The following NELL1 variants were observed in gnomAD, a reference collection of about 807,000 sequenced individuals.
NELL1 encodes neural EGFL like 1, also known as protein kinase C-binding protein NELL1.
In NELL1, 76 loss-of-function variants were observed where a neutral mutation model predicts 107.4. That is an observed-to-expected ratio of 0.71 (90% CI 0.59 to 0.86). The LOEUF is 0.86. Among genes scored for constraint, NELL1 ranks in the 40% least tolerant of loss-of-function variants. The probability of loss-of-function intolerance (pLI) is 0.00; values close to 1 mark genes in which losing one functional copy is unlikely to be tolerated. For synonymous variants in NELL1, 353 were observed against 341.2 expected, an observed-to-expected ratio of 1.03 and a Z score of -0.38; for missense variants, 1,024 against 1,005.5, an observed-to-expected ratio of 1.02 and a Z score of -0.25.
chr11:21,065,108 T>A (rs1168132098), intron 12 of NELL1, among the ~76,000 whole-genome samples: 1 of 152,166 alleles, frequency 6.6e-6, no homozygotes, highest in Non-Finnish European at 1.5e-5. Flanking sequence ...ATACTTTCTT[T>A]TATACAAGTC....
At chr11:20,690,792 T>G (rs1348443177) in intron 2 of NELL1, among the ~76,000 whole-genome samples, 3 of 150,970 alleles carry the variant, frequency 2.0e-5, no homozygotes, top group Non-Finnish European at 3.0e-5. Context: ...ATATGAACTT[T>G]AAAGTAGTTT....
intron 16 of NELL1, among the ~76,000 whole-genome samples, chr11:21,540,598 T>C (rs1362761331): frequency 6.6e-6 from 1 of 151,818 alleles, no homozygotes; most frequent in African/African-American, 2.4e-5. Context: ...CTTACAATCA[T>C]GGGGGAAGGT....
At chr11:21,491,683 T>C (rs1005149009) in intron 15 of NELL1, among the ~76,000 whole-genome samples, 1 of 152,182 alleles carries the variant, frequency 6.6e-6, no homozygotes, top group Non-Finnish European at 1.5e-5. Context: ...CGATGTGGGC[T>C]CTTTTTTGGT....
chr11:21,460,572 G>A (rs1853875516), intron 15 of NELL1, among the ~76,000 whole-genome samples: 1 of 152,002 alleles, frequency 6.6e-6, no homozygotes, highest in East Asian at 1.9e-4. Flanking sequence ...TTGGTGTGGG[G>A]GAACTACTCT....
rs188214346 is a variant in NELL1 at position 21,178,686 on chromosome 11, C to G, written c.1427-50646C>G. Among the ~76,000 whole-genome samples, 76 of 151,226 alleles carry G rather than the reference C, an allele frequency of 5.0e-4. 1 individual carries two copies. The East Asian group carries it at 0.011, about 23-fold the overall frequency. On this transcript the variant is annotated intron_variant, in intron 13 of 19. Transcript: ENST00000357134. ...GGCGGAGATGAGAGGATGGCCTGAGCCCAAGAGATCAAGGTTGCAGTGAGC... is the reference window on the plus strand; with the variant it reads ...GGCGGAGATGAGAGGATGGCCTGAGGCCAAGAGATCAAGGTTGCAGTGAGC...
At chr11:21,369,913 T>C (rs1364723364) in intron 14 of NELL1, among the ~76,000 whole-genome samples, 1 of 152,072 alleles carries the variant, frequency 6.6e-6, no homozygotes, top group Non-Finnish European at 1.5e-5. Context: ...GATTAATTCA[T>C]CTAACAAATC....
intron 2 of NELL1, among the ~76,000 whole-genome samples, chr11:20,711,857 G>A (rs556292569): frequency 3.9e-5 from 6 of 152,178 alleles, no homozygotes; most frequent in African/African-American, 1.2e-4. Context: ...GACTGTGTGC[G>A]TAGGTGAAGA....
intron 14 of NELL1, among the ~76,000 whole-genome samples, chr11:21,275,902 A>C (rs1163701053): frequency 6.6e-6 from 1 of 152,332 alleles, no homozygotes; most frequent in East Asian, 1.9e-4. Context: ...GACATATCTC[A>C]AAATAATAAG....
chr11:20,694,884 A>G (rs547525183), intron 2 of NELL1, among the ~76,000 whole-genome samples: 31 of 152,054 alleles, frequency 2.0e-4, no homozygotes, highest in Non-Finnish European at 2.8e-4. Context: ...GCTTTGGATT[A>G]TATGGTCATT....
In NELL1 at chr11:20,895,504, CT is replaced by C. The variant is rs71063675; in HGVS notation, c.603+9983del. Among the ~76,000 whole-genome samples, 747 of 99,992 alleles carry C rather than the reference CT, an allele frequency of 7.5e-3. 6 individuals carry two copies. Among genetic ancestry groups the C allele is most frequent in the African/African-American group, 0.024 (690 of 28,976 alleles). The allele number at this position is 99,992 out of a possible 152,430, so 65.6% of individuals were successfully genotyped here. A position where few individuals can be genotyped will look rare whatever the true frequency, so the allele number is the denominator to read the frequency against. Reference sequence around the variant, plus strand: ...ATAAGTGAGAACATGTGATATTTGCCTTTTTTTTTTTTTTTTTTTGAGACGG... The same window carrying C: ...ATAAGTGAGAACATGTGATATTTGCCTTTTTTTTTTTTTTTTTTGAGACGG... On this transcript the variant is annotated intron_variant, in intron 5 of 19. Transcript: ENST00000357134.
At chr11:21,541,224 G>A (rs1185421032) in intron 16 of NELL1, among the ~76,000 whole-genome samples, 1 of 152,108 alleles carries the variant, frequency 6.6e-6, no homozygotes, top group Non-Finnish European at 1.5e-5. Flanking sequence ...TTACGGGACT[G>A]AATACCTGTT....
At chr11:20,748,911 CCCATCCATCCATCCAT>C (rs71063663) in intron 2 of NELL1, among the ~76,000 whole-genome samples, 53 of 144,022 alleles carry the variant, frequency 3.7e-4, no homozygotes, top group East Asian at 8.4e-4. Flanking sequence ...CACCCAGCCA[CCCATCCATCCATCCAT>C]CCATCCATCC....
At chr11:20,894,081 G>C (rs1483314177) in intron 5 of NELL1, among the ~76,000 whole-genome samples, 1 of 152,094 alleles carries the variant, frequency 6.6e-6, no homozygotes, top group Non-Finnish European at 1.5e-5. Flanking sequence ...TATCCCCATG[G>C]GGAAAGCACT....
intron 12 of NELL1, among the ~76,000 whole-genome samples, chr11:20,983,991 C>A (rs1191151386): frequency 6.6e-6 from 1 of 152,128 alleles, no homozygotes; most frequent in Non-Finnish European, 1.5e-5. Flanking sequence ...CCTCTTCCTG[C>A]AGCATTCTTC....
At chr11:21,452,261 C>T (rs1275867363) in intron 15 of NELL1, among the ~76,000 whole-genome samples, 1 of 152,084 alleles carries the variant, frequency 6.6e-6, no homozygotes, top group African/African-American at 2.4e-5. Context: ...CATACAAACT[C>T]ATTATCATTC....
At chr11:21,499,328 A>G (rs572616939) in intron 15 of NELL1, among the ~76,000 whole-genome samples, 1 of 152,044 alleles carries the variant, frequency 6.6e-6, no homozygotes, top group East Asian at 1.9e-4. Context: ...GTCCATCTTT[A>G]CTCCACTGAT....
intron 4 of NELL1, among the ~76,000 whole-genome samples, chr11:20,882,343 A>G (rs950876513): frequency 6.6e-6 from 1 of 152,238 alleles, no homozygotes; most frequent in African/African-American, 2.4e-5. Flanking sequence ...GCTAATCGAT[A>G]ACATTGTTTT....
chr11:20,704,887 A>C (rs1377644278), intron 2 of NELL1, among the ~76,000 whole-genome samples: 1 of 152,224 alleles, frequency 6.6e-6, no homozygotes, highest in Non-Finnish European at 1.5e-5. Context: ...CAGAGAGCCA[A>C]ATCATGAGTG....
At chr11:21,461,163 T>G (rs146248283) in intron 15 of NELL1, among the ~76,000 whole-genome samples, 157 of 152,166 alleles carry the variant, frequency 1.0e-3, no homozygotes, top group Middle Eastern at 3.4e-3. Flanking sequence ...AAGCAACTCA[T>G]AGCTCACTAA....
Sources: allele counts gnomAD v4.1 joint callset (sites outside exome capture counted in the v4.1 genomes callset), GRCh38; gene constraint gnomAD v4.1.1; transcripts MANE v1.5; gene names NCBI Gene and HGNC (gene_info 2026-07-23, HGNC 2026-07-21).